The following USP34 variants were observed in gnomAD, a reference collection of about 807,000 sequenced individuals.
USP34 encodes ubiquitin specific peptidase 34.
In USP34, 70 loss-of-function variants were observed where a neutral mutation model predicts 460.3. That is an observed-to-expected ratio of 0.15 (90% CI 0.13 to 0.19). The LOEUF (loss-of-function observed/expected upper bound fraction) is 0.19. Among genes scored for constraint, USP34 ranks in the 10% least tolerant of loss-of-function variants. The pLI is 1.00. For missense variants in USP34, 3,985 were observed against 4,236.2 expected (o/e 0.94, Z 1.65); for synonymous variants, 1,647 against 1,405.3 (o/e 1.17, Z -3.85).
chr2:61,438,487 C>A (rs981896474), intron 1 of USP34, among the ~76,000 whole-genome samples: 1 of 152,086 alleles, frequency 6.6e-6, no homozygotes, highest in Non-Finnish European at 1.5e-5. Flanking sequence ...GTAATCCTAG[C>A]TACTCGGGAG....
intron 2 of USP34, among the ~76,000 whole-genome samples, chr2:61,408,157 T>C (rs1693936251): frequency 6.6e-6 from 1 of 152,068 alleles, no homozygotes; most frequent in Admixed American, 6.6e-5. Flanking sequence ...AGCACTAACT[T>C]GGTCACTATC....
intron 3 of USP34, among the ~76,000 whole-genome samples, chr2:61,405,116 C>A (rs1001538628): frequency 1.3e-5 from 2 of 150,708 alleles, no homozygotes; most frequent in East Asian, 2.0e-4. Context: ...ACCTGTAATC[C>A]CAACTACTTG....
intron 10 of USP34, among the ~76,000 whole-genome samples, chr2:61,356,002 A>C (rs1010010284): frequency 6.6e-6 from 1 of 152,210 alleles, no homozygotes; most frequent in African/African-American, 2.4e-5. Flanking sequence ...AAAGGTTACC[A>C]GAAAAAAACA....
intron 21 of USP34, among the ~76,000 whole-genome samples, chr2:61,321,419 C>A (rs113480145): frequency 0.013 from 2,011 of 152,190 alleles, 16 homozygotes; most frequent in Non-Finnish European, 0.022. Context: ...TGCAGTGAGC[C>A]AAGATTTGCG....
At chr2:61,265,857 A>G in intron 42 of USP34, 127 bp downstream of exon 42, 1 of 928,664 alleles carries the variant, frequency 1.1e-6, no homozygotes, top group Non-Finnish European at 1.5e-6. Context: ...CTTTAATAAC[A>G]CCCTACCAAT....
chr2:61,450,998 T>C (rs927479864), intron 1 of USP34, among the ~76,000 whole-genome samples: 1 of 150,442 alleles, frequency 6.6e-6, no homozygotes, highest in African/African-American at 2.4e-5. Flanking sequence ...GGCAGGCGGA[T>C]CACGAGGTCA....
chr2:61,311,736 T>C (rs1690600351), intron 26 of USP34, 48 bp downstream of exon 26: 3 of 1,609,932 alleles, frequency 1.9e-6, no homozygotes, highest in South Asian at 2.2e-5. Context: ...GAACAGATAT[T>C]TGACCTGGGA....
intron 18 of USP34, 101 bp from the exon 19 acceptor site, chr2:61,334,072 A>T: frequency 1.2e-5 from 9 of 739,030 alleles, no homozygotes; most frequent in Non-Finnish European, 1.6e-5. Context: ...TGAATCTTGC[A>T]TAGAGACATA....
At chr2:61,467,623 T>G (rs541567167) in intron 1 of USP34, among the ~76,000 whole-genome samples, 7 of 143,130 alleles carry the variant, frequency 4.9e-5, no homozygotes, top group South Asian at 2.3e-4. Context: ...CTTTGTTTTT[T>G]TTTTTTTTTT....
chr2:61,394,864 C>G lies in USP34; in HGVS notation c.742G>C (p.Val248Leu), dbSNP rs750333806. The G allele has an allele frequency of 7.6e-6, 12 of 1,575,894 alleles. No individual in the cohort carries two copies. The highest frequency in any genetic ancestry group is 4.6e-5 in the East Asian group (2 of 43,328). Reference protein sequence around the residue: ...PFLIAHAFITVVSNIRIWLHI... With the variant: ...PFLIAHAFITLVSNIRIWLHI... Reference sequence around the variant, plus strand: ...AAAACAATACTTACATTAGACACAACTGTAATAAACGCATGTGCTATAAGA... The same window carrying G: ...AAAACAATACTTACATTAGACACAAGTGTAATAAACGCATGTGCTATAAGA... Residue 248 changes from valine to leucine, a missense_variant, in exon 5 of 80, where the codon GTT becomes CTT. Val to Leu is a conservative substitution (Grantham distance 32). Transcript: ENST00000398571.
intron 34 of USP34, among the ~76,000 whole-genome samples, chr2:61,288,279 T>C (rs1021784814): frequency 5.9e-5 from 9 of 152,358 alleles, no homozygotes; most frequent in South Asian, 2.1e-4. Flanking sequence ...GGGTGATAAA[T>C]GGCTCCTTAT....
chr2:61,196,069 ATTTTTTTTTTTTT>A lies in USP34; in HGVS notation c.9509-3102_9509-3090del, dbSNP rs71403398. On this transcript the variant is annotated intron_variant, in intron 75 of 79. Transcript: ENST00000398571. The stretch of plus-strand genomic sequence containing the variant: ...CTACAGGTATGCACCACCATGCACG[ATTTTTTTTTTTTT>A]TTTTTTTTTTTTTTTTGAGACGGAG... Among the ~76,000 whole-genome samples, 25 of 41,578 alleles carry A rather than the reference ATTTTTTTTTTTTT, an allele frequency of 6.0e-4. 1 individual carries two copies. The highest frequency in any genetic ancestry group is 9.2e-4 in the East Asian group (1 of 1,082). 27.3% of individuals were successfully genotyped at this position (41,578 alleles called of 152,430 possible). A position where few individuals can be genotyped will look rare whatever the true frequency, so the allele number is the denominator to read the frequency against.
At chr2:61,195,966 G>C (rs990393209) in intron 75 of USP34, among the ~76,000 whole-genome samples, 6 of 150,966 alleles carry the variant, frequency 4.0e-5, no homozygotes, top group Non-Finnish European at 7.4e-5. Flanking sequence ...GAGGACAGTG[G>C]CACGATCTCA....
At chr2:61,463,871 A>G (rs902832281) in intron 1 of USP34, among the ~76,000 whole-genome samples, 2 of 152,108 alleles carry the variant, frequency 1.3e-5, no homozygotes, top group Non-Finnish European at 2.9e-5. Flanking sequence ...TCTGGGATTA[A>G]GTCCTGTGGT....
intron 8 of USP34, among the ~76,000 whole-genome samples, chr2:61,371,737 A>G (rs1257555741): frequency 6.6e-6 from 1 of 152,162 alleles, no homozygotes; most frequent in Non-Finnish European, 1.5e-5. Flanking sequence ...ATCACTCACC[A>G]ACTCACCCAG....
Position 61,227,058 on chromosome 2 carries a change from A to G in USP34, c.7595+9T>C, listed in dbSNP as rs1687748941. The G allele has an allele frequency of 1.3e-6, 2 of 1,578,890 alleles. No homozygotes were observed. The highest frequency in any genetic ancestry group is 2.1e-5 in the Admixed American group (1 of 48,432). ...ATGCTTTAAACATTTTAAATTCGAA[A>G]CATTTCACCTTTCTGATCGAGACTG... is the stretch of plus-strand genomic sequence containing the variant. On this transcript the variant is annotated intron_variant, in intron 62 of 79. Coordinates refer to ENST00000398571, the MANE Select transcript of USP34 (RefSeq NM_014709.4).
At chr2:61,361,337 A>AC (rs1558549592) in intron 10 of USP34, among the ~76,000 whole-genome samples, 1 of 152,144 alleles carries the variant, frequency 6.6e-6, no homozygotes, top group Non-Finnish European at 1.5e-5. Context: ...CAGGAAGATC[A>AC]CCTCAGTGCA....
chr2:61,204,593 T>G lies in USP34; in HGVS notation c.9163A>C (p.Lys3055Gln). 6.2e-7 allele frequency: 1 copy of G among 1,612,748 alleles called. No individual in the cohort carries two copies. The highest frequency in any genetic ancestry group is 8.5e-7 in the Non-Finnish European group (1 of 1,179,680). Residue 3055 changes from lysine (K) to glutamine (Q), a missense_variant, in exon 73 of 80, where the codon AAG becomes CAG. Lys to Gln is a moderately conservative substitution (Grantham distance 53). This residue lies in a region of USP34 where 275 missense variants were observed against 292.7 expected (regional missense o/e 0.94). Transcript: ENST00000398571. ...ELRNACIDVLKELVLLSPHDF... is the reference protein window; with the variant it reads ...ELRNACIDVLQELVLLSPHDF... ...TGGGGACTCAAAAGTACAAGTTCCT[T>G]GAGGACATCTGAAAATAAAAACAAA...
intron 57 of USP34, among the ~76,000 whole-genome samples, chr2:61,233,582 C>T (rs6735081): frequency 0.7 from 106,790 of 151,970 alleles, 37,952 homozygotes; most frequent in African/African-American, 0.8. Context: ...TCTCAGCACT[C>T]TGGGAGGCAG....
Sources: allele counts gnomAD v4.1 joint callset (sites outside exome capture counted in the v4.1 genomes callset), GRCh38; gene constraint gnomAD v4.1.1; regional missense constraint gnomAD v4.1.1; transcripts MANE v1.5; gene names NCBI Gene and HGNC (gene_info 2026-07-23, HGNC 2026-07-21).